ATXN3: variants seen among roughly 807,000 people sequenced by gnomAD.
ATXN3 encodes the protein ataxin 3.
In ATXN3, 28 loss-of-function variants were observed where a neutral mutation model predicts 58.2. That is an observed-to-expected ratio of 0.48 (90% CI 0.36 to 0.66). The LOEUF is 0.66. Among genes scored for constraint, ATXN3 ranks in the 30% least tolerant of loss-of-function variants. ATXN3 has a pLI of 0.00. For missense variants in ATXN3, 321 were observed against 422.1 expected (o/e 0.76, Z 2.10); for synonymous variants, 113 against 138.5 (o/e 0.82, Z 1.29).
At chr14:92,085,858 T>C (rs2062367921) in intron 6 of ATXN3, among the ~76,000 whole-genome samples, 1 of 152,116 alleles carries the variant, frequency 6.6e-6, no homozygotes, top group African/African-American at 2.4e-5. Context: ...TTAAGATCCA[T>C]GAAAGGAATC....
rs553030192 is a variant in ATXN3 at position 92,074,670 on chromosome 14, C to T, written c.873-3617G>A. 3.9e-5 allele frequency among the ~76,000 whole-genome samples: 6 copies of T among 152,236 alleles called. No homozygotes were observed. In the South Asian group the frequency reaches 1.2e-3, roughly 32 times the overall value. On this transcript the variant is annotated intron_variant, in intron 9 of 10. Transcript: ENST00000644486. ...CATCCTTTCTTAAGATTATGTAAACCCCTAATTTCTATATTAAGTATTTTC... is the reference window on the plus strand; with the variant it reads ...CATCCTTTCTTAAGATTATGTAAACTCCTAATTTCTATATTAAGTATTTTC...
intron 1 of ATXN3, among the ~76,000 whole-genome samples, chr14:92,102,543 G>C (rs56141463): frequency 6.6e-6 from 1 of 152,140 alleles, no homozygotes; most frequent in Admixed American, 6.5e-5. Flanking sequence ...AGGTGCTCTC[G>C]GGAATGGGCT....
At chr14:92,093,401 G>T in intron 4 of ATXN3, 83 bp from the exon 5 acceptor site, 1 of 744,364 alleles carries the variant, frequency 1.3e-6, no homozygotes, top group Non-Finnish European at 2.2e-6. Context: ...TATAAAATTT[G>T]TGATAATTTA....
At chr14:92,080,162 A>G (rs796939615) in intron 9 of ATXN3, among the ~76,000 whole-genome samples, 2 of 152,318 alleles carry the variant, frequency 1.3e-5, no homozygotes, top group African/African-American at 4.8e-5. Context: ...GGCACAAGGT[A>G]AGGTTTTAGG....
intron 3 of ATXN3, among the ~76,000 whole-genome samples, chr14:92,094,413 T>A (rs977179317): frequency 2.0e-5 from 3 of 152,190 alleles, no homozygotes; most frequent in African/African-American, 7.2e-5. Flanking sequence ...TACCCATAAG[T>A]GCTTTTCTTA....
intron 6 of ATXN3, among the ~76,000 whole-genome samples, chr14:92,086,253 C>CAAAAAAAAAAAAAAAAA (rs869147623): frequency 5.5e-4 from 52 of 94,786 alleles, no homozygotes; most frequent in East Asian, 9.7e-4. Flanking sequence ...ACTAAAAATA[C>CAAAAAAAAAAAAAAAAA]AAAAAAAAAA....
chr14:92,087,249 A>G (rs1230019519), intron 6 of ATXN3, among the ~76,000 whole-genome samples: 1 of 152,204 alleles, frequency 6.6e-6, no homozygotes. Context: ...AATATCAGAC[A>G]GCACTAAAGG....
chr14:92,090,055 T>C (rs2063442829), intron 5 of ATXN3, among the ~76,000 whole-genome samples: 1 of 152,170 alleles, frequency 6.6e-6, no homozygotes. Context: ...TGTAACATAG[T>C]GAGACCCTGT....
chr14:92,087,922 C>T (rs548374312), intron 6 of ATXN3, among the ~76,000 whole-genome samples: 3 of 152,060 alleles, frequency 2.0e-5, no homozygotes, highest in African/African-American at 7.2e-5. Context: ...ATTGACGATA[C>T]AGAAATAATT....
At chr14:92,080,222 T>C (rs17127928) in intron 9 of ATXN3, among the ~76,000 whole-genome samples, 43,792 of 152,030 alleles carry the variant, frequency 0.29, 6,727 homozygotes, top group East Asian at 0.44. Context: ...GCTAACAGGC[T>C]TACAGGACTG....
chr14:92,054,835 GA>G (rs963283200), downstream of ATXN3, among the ~76,000 whole-genome samples: 1 of 151,410 alleles, frequency 6.6e-6, no homozygotes, highest in African/African-American at 2.4e-5. Context: ...GATGAGAGGA[GA>G]AAAAAAACCC....
intron 10 of ATXN3, among the ~76,000 whole-genome samples, chr14:92,068,185 T>A (rs2058780244): frequency 6.6e-6 from 1 of 152,182 alleles, no homozygotes; most frequent in Non-Finnish European, 1.5e-5. Context: ...TATCACCTCC[T>A]GGAGGGAATG....
intron 2 of ATXN3, among the ~76,000 whole-genome samples, chr14:92,046,722 G>A (rs986475071): frequency 2.6e-5 from 4 of 152,174 alleles, no homozygotes; most frequent in Non-Finnish European, 1.5e-5. Flanking sequence ...GCAAAACCAG[G>A]TATCCAAAGG....
chr14:92,088,828 A>T lies in ATXN3; in HGVS notation c.388-11T>A, dbSNP rs1184905023. The T allele has an allele frequency of 2.0e-6, 3 of 1,534,888 alleles. No individual in the cohort carries two copies. Among genetic ancestry groups the T allele is most frequent in the East Asian group, 4.5e-5 (2 of 44,492 alleles). On this transcript the variant is annotated splice_polypyrimidine_tract_variant and intron_variant, in intron 5 of 10. Coordinates refer to ENST00000644486, the MANE Select transcript of ATXN3 (RefSeq NM_004993.6). ...ATTCAAGTTAAACCACTGGAAAAAA[A>T]TTGTCAATATTTAAGTTAGTGTATA...
At chr14:92,073,689 A>T (rs1312493142) in intron 9 of ATXN3, among the ~76,000 whole-genome samples, 1 of 152,028 alleles carries the variant, frequency 6.6e-6, no homozygotes, top group Non-Finnish European at 1.5e-5. Context: ...ATACAAAAAA[A>T]TTAGCCAGGT....
At chr14:92,096,001 C>G (rs2065141605) in intron 3 of ATXN3, 92 bp downstream of exon 3, 1 of 1,054,534 alleles carries the variant, frequency 9.5e-7, no homozygotes, top group East Asian at 2.4e-5. Context: ...AGAAGAACTT[C>G]CGAAGGTCGC....
At chr14:92,106,426 G>T in intron 1 of ATXN3, 103 bp downstream of exon 1, 1 of 1,474,402 alleles carries the variant, frequency 6.8e-7, no homozygotes, top group Non-Finnish European at 9.5e-7. Flanking sequence ...AGATCGGCAT[G>T]GGGGCGACTC....
chr14:92,077,124 T>C (rs1352310075), intron 9 of ATXN3, among the ~76,000 whole-genome samples: 2 of 152,030 alleles, frequency 1.3e-5, no homozygotes, highest in Non-Finnish European at 2.9e-5. Context: ...AGAGGCAATA[T>C]AAGAATTGTT....
At chr14:92,075,672 G>C (rs2060235056) in intron 9 of ATXN3, among the ~76,000 whole-genome samples, 1 of 152,140 alleles carries the variant, frequency 6.6e-6, no homozygotes, top group Non-Finnish European at 1.5e-5. Context: ...AGGGAAGAAA[G>C]AGTTAGCTTG....
Sources: gnomAD v4.1 joint callset for allele counts (sites outside exome capture counted in the v4.1 genomes callset) on GRCh38, gnomAD v4.1.1 for gene constraint, MANE v1.5 for transcripts, NCBI Gene and HGNC (gene_info 2026-07-23, HGNC 2026-07-21) for gene names.